The following CAB39 variants were observed in gnomAD, a reference collection of about 807,000 sequenced individuals.
CAB39 encodes calcium binding protein 39.
In CAB39, 8 loss-of-function variants were observed where a neutral mutation model predicts 40.0. That is an observed-to-expected ratio of 0.20 (90% confidence interval 0.12 to 0.36). The LOEUF is 0.36. CAB39 is among the 10% of genes least tolerant of loss of function. The pLI, the probability that CAB39 is intolerant of heterozygous loss-of-function variation, is 1.00. For synonymous variants in CAB39, 156 were observed against 141.6 expected (o/e 1.10, Z -0.72); for missense variants, 270 against 401.1 (o/e 0.67, Z 2.79).
Position 230,814,072 on chromosome 2 carries a change from A to T in CAB39, c.651A>T (p.Leu217Phe). 7.3e-7 allele frequency: 1 copy of T among 1,360,664 alleles called. No individual in the cohort carries two copies. Among genetic ancestry groups the T allele is most frequent in the Non-Finnish European group, 1.0e-6 (1 of 1,002,748 alleles). 84.3% of individuals were successfully genotyped at this position (1,360,664 alleles called of 1,614,324 possible). ...AGTTTTTCAGTGAATATGAGAAGTT[A>T]CTTCATTCAGAAAATTATGTGACAA... The part of the protein sequence containing the change: ...YDRFFSEYEK[L>F]LHSENYVTKR... Residue 217 changes from leucine to phenylalanine, a missense_variant, in exon 7 of 9, where the codon TTA (leucine) becomes TTT (phenylalanine). Physicochemically the swap from Leu to Phe is conservative, Grantham distance 22. Transcript: ENST00000258418.
At chr2:230,773,389 C>T (rs1455485879) in intron 2 of CAB39, among the ~76,000 whole-genome samples, 2 of 148,396 alleles carry the variant, frequency 1.3e-5, no homozygotes, top group Admixed American at 6.8e-5. Flanking sequence ...CATTGTATGT[C>T]ATTTATAACT....
intron 1 of CAB39, among the ~76,000 whole-genome samples, chr2:230,752,655 T>C (rs564615743): frequency 6.6e-6 from 1 of 152,354 alleles, no homozygotes; most frequent in East Asian, 1.9e-4. Flanking sequence ...TTTTAAGGTA[T>C]ATTCAGACCA....
In CAB39 at chr2:230,798,970, C is replaced by T. The variant is rs1191898287; in HGVS notation, c.567+73C>T. 38 of 1,161,326 alleles carry T rather than the reference C, an allele frequency of 3.3e-5. 1 individual carries two copies. The highest frequency in any genetic ancestry group is 4.4e-4 in the Middle Eastern group (2 of 4,502). The allele number at this position is 1,161,326 out of a possible 1,614,324, so 71.9% of individuals were successfully genotyped here. On this transcript the variant is annotated intron_variant, in intron 5 of 8. Transcript: ENST00000258418. The stretch of plus-strand genomic sequence containing the variant: ...GCTGTTTTTCTAAACCTTCATTGCC[C>T]TCCTAAATCTACACGTGGCTGCCCT...
rs1459891972 is a variant in CAB39, at chr2:230,819,876, G to T, written c.*1172G>T. ...TTCTTTGTGTGTGTGGGAAATCTCT[G>T]TAGAGCACCTTTTCTTTCTTAGACT... On this transcript the variant is annotated 3_prime_UTR_variant, in exon 9 of 9. Transcript: ENST00000258418. 6.6e-6 allele frequency: 1 copy of T among 152,576 alleles called. No homozygotes were observed. The highest frequency in any genetic ancestry group is 1.5e-5 in the Non-Finnish European group (1 of 68,024). The allele number at this position is 152,576 out of a possible 1,614,324, so 9.5% of individuals were successfully genotyped here.
chr2:230,783,788 C>CA (rs1438128172), intron 2 of CAB39, among the ~76,000 whole-genome samples: 1 of 152,180 alleles, frequency 6.6e-6, no homozygotes, highest in Non-Finnish European at 1.5e-5. Context: ...AGGCATGAGC[C>CA]ACTGTGGCCT....
At chr2:230,783,244 A>G (rs1170111759) in intron 2 of CAB39, among the ~76,000 whole-genome samples, 1 of 152,134 alleles carries the variant, frequency 6.6e-6, no homozygotes, top group African/African-American at 2.4e-5. Flanking sequence ...AGCTCTGGAC[A>G]TATGCTCATT....
intron 1 of CAB39, among the ~76,000 whole-genome samples, chr2:230,741,207 A>C (rs1694871201): frequency 1.3e-5 from 2 of 152,228 alleles, no homozygotes; most frequent in Admixed American, 1.3e-4. Context: ...TTCAATGTGA[A>C]TATATGGTTC....
intron 1 of CAB39, among the ~76,000 whole-genome samples, chr2:230,731,679 T>C (rs1220277628): frequency 6.6e-6 from 1 of 152,130 alleles, no homozygotes; most frequent in Non-Finnish European, 1.5e-5. Flanking sequence ...TTAAATTTCT[T>C]GTAGACACGG....
intron 1 of CAB39, among the ~76,000 whole-genome samples, chr2:230,716,940 C>T (rs1383194535): frequency 1.3e-5 from 2 of 152,102 alleles, no homozygotes; most frequent in African/African-American, 4.8e-5. Flanking sequence ...GAATTTGCAG[C>T]CTCAGTGAAT....
chr2:230,796,267 T>C (rs1695984796), intron 4 of CAB39, among the ~76,000 whole-genome samples: 2 of 152,196 alleles, frequency 1.3e-5, no homozygotes, highest in African/African-American at 4.8e-5. Context: ...TTCTGTTAGA[T>C]ATTTATTTGC....
At chr2:230,747,676 T>C (rs1209820762) in intron 1 of CAB39, among the ~76,000 whole-genome samples, 3 of 152,258 alleles carry the variant, frequency 2.0e-5, no homozygotes, top group Non-Finnish European at 4.4e-5. Context: ...ATAGTTCACC[T>C]TCCAGTGATT....
chr2:230,760,512 TG>T (rs1314535241), intron 2 of CAB39, among the ~76,000 whole-genome samples: 1 of 152,136 alleles, frequency 6.6e-6, no homozygotes, highest in Non-Finnish European at 1.5e-5. Context: ...GTTATCTGCT[TG>T]GTTGGTTTGT....
At chr2:230,776,467 A>G (rs138386515) in intron 2 of CAB39, among the ~76,000 whole-genome samples, 1 of 152,200 alleles carries the variant, frequency 6.6e-6, no homozygotes, top group Admixed American at 6.5e-5. Context: ...ATATAGCTCT[A>G]TGCAATTGCA....
chr2:230,758,594 C>T (rs74933837), intron 1 of CAB39, among the ~76,000 whole-genome samples: 3,124 of 152,252 alleles, frequency 0.021, 92 homozygotes, highest in African/African-American at 0.071. Context: ...AAGGGAAAAA[C>T]ACTCAAGTTT....
intron 1 of CAB39, among the ~76,000 whole-genome samples, chr2:230,716,063 T>C (rs1559585402): frequency 6.6e-6 from 1 of 152,238 alleles, no homozygotes; most frequent in African/African-American, 2.4e-5. Flanking sequence ...TTCAGGTTCT[T>C]GTACTAAGTC....
chr2:230,727,739 T>C (rs1295258554), intron 1 of CAB39, among the ~76,000 whole-genome samples: 1 of 151,996 alleles, frequency 6.6e-6, no homozygotes, highest in Non-Finnish European at 1.5e-5. Context: ...ATATTAAATA[T>C]ATATTAAAGG....
intron 2 of CAB39, among the ~76,000 whole-genome samples, chr2:230,778,822 C>T (rs1432557975): frequency 2.0e-5 from 3 of 152,096 alleles, no homozygotes; most frequent in Admixed American, 2.0e-4. Context: ...GTTACTATAG[C>T]GAATACTGTA....
intron 1 of CAB39, among the ~76,000 whole-genome samples, chr2:230,729,176 T>C (rs1234944540): frequency 1.3e-5 from 2 of 152,240 alleles, no homozygotes; most frequent in Non-Finnish European, 2.9e-5. Context: ...TTTTGAACCC[T>C]TGGGCGGTTT....
intron 1 of CAB39, among the ~76,000 whole-genome samples, chr2:230,758,071 G>A (rs746601060): frequency 6.6e-6 from 1 of 152,140 alleles, no homozygotes; most frequent in Admixed American, 6.5e-5. Flanking sequence ...GGCCGAGGTG[G>A]GTGGCTCCCT....
Sources: gnomAD v4.1 joint callset for allele counts (sites outside exome capture counted in the v4.1 genomes callset) on GRCh38, gnomAD v4.1.1 for gene constraint, MANE v1.5 for transcripts, NCBI Gene and HGNC (gene_info 2026-07-23, HGNC 2026-07-21) for gene names.